YIPF1: variants seen among roughly 807,000 people sequenced by gnomAD.
YIPF1 encodes the protein Yip1 domain family member 1.
In YIPF1, 22 loss-of-function variants were observed where a neutral mutation model predicts 37.0. That is an observed-to-expected ratio of 0.59 (90% confidence interval 0.42 to 0.85). YIPF1 has a LOEUF of 0.85. YIPF1 is among the 40% of genes least tolerant of loss of function. YIPF1 has a pLI of 0.00. For missense variants in YIPF1, 355 were observed against 373.1 expected (o/e 0.95, Z 0.40); for synonymous variants, 128 against 131.9 (o/e 0.97, Z 0.21).
intron 10 of YIPF1, among the ~76,000 whole-genome samples, chr1:53,857,116 T>A (rs971741055): frequency 6.6e-6 from 1 of 152,194 alleles, no homozygotes; most frequent in African/African-American, 2.4e-5. Flanking sequence ...AGGCCCTCAT[T>A]CTACGAAGCC....
intron 7 of YIPF1, 146 bp downstream of exon 7, chr1:53,871,226 T>C: frequency 1.6e-6 from 1 of 622,312 alleles, no homozygotes. Context: ...GGTAAACTCA[T>C]CTACACATTT....
At chr1:53,877,521 TG>T (rs1424337370) in intron 6 of YIPF1, among the ~76,000 whole-genome samples, 1 of 152,182 alleles carries the variant, frequency 6.6e-6, no homozygotes, top group African/African-American at 2.4e-5. Context: ...CACAGGCCAC[TG>T]TTGGGGCCTT....
chr1:53,869,197 T>C (rs1371166252), intron 7 of YIPF1, among the ~76,000 whole-genome samples: 3 of 148,840 alleles, frequency 2.0e-5, no homozygotes, highest in African/African-American at 7.6e-5. Flanking sequence ...CACAGGCAAA[T>C]ACATATCTTT....
chr1:53,880,542 C>T (rs1318162267), intron 4 of YIPF1, among the ~76,000 whole-genome samples: 2 of 152,054 alleles, frequency 1.3e-5, no homozygotes, highest in South Asian at 2.1e-4. Context: ...ACATTCTTCA[C>T]GGAATTAGAA....
At position 53,860,113 on chromosome 1, in the gene YIPF1, G is replaced by T. The variant is rs200904837; in HGVS notation, c.872C>A (p.Thr291Lys). The T allele has an allele frequency of 6.2e-7, 1 of 1,614,144 alleles. No homozygotes were observed. Among genetic ancestry groups the T allele is most frequent in the Non-Finnish European group, 8.5e-7 (1 of 1,179,998 alleles). Residue 291 changes from threonine (T) to lysine (K), a missense_variant, in exon 10 of 11, where the codon ACA (threonine) becomes AAA (lysine). By Grantham distance (78) the Thr-to-Lys change is moderately conservative. Coordinates refer to ENST00000072644, the MANE Select transcript of YIPF1 (RefSeq NM_018982.5). ...FDAPEMDHLP[T>K]TTATPNQTVA... ...TGTTTGGTTTGGAGTAGCTGTAGTT[G>T]TTGGGAGATGGTCCATCTCTGGTGC...
In YIPF1 at chr1:53,884,619, A is replaced by C. The variant is rs7515771; in HGVS notation, c.32-1343T>G. 2.0e-5 allele frequency among the ~76,000 whole-genome samples: 3 copies of C among 152,018 alleles called. No homozygotes were observed. The East Asian group carries it at 5.8e-4, about 29-fold the overall frequency. On this transcript the variant is annotated intron_variant, in intron 3 of 10. Coordinates refer to ENST00000072644, the MANE Select transcript of YIPF1 (RefSeq NM_018982.5). ...AAAAGCTTTTTGGGGGGCAGCCTTA[A>C]GATGAACACCTATCAGTGTGATCAC...
At chr1:53,873,592 C>T (rs1650250243) in intron 6 of YIPF1, among the ~76,000 whole-genome samples, 1 of 151,756 alleles carries the variant, frequency 6.6e-6, no homozygotes. Flanking sequence ...GTGAGAGGGT[C>T]ACTTGAGGCT....
Position 53,870,160 on chromosome 1 carries a change from C to CT in YIPF1, c.481+1211dup, listed in dbSNP as rs753978320. Among the ~76,000 whole-genome samples, 458 of 91,138 alleles carry CT rather than the reference C, an allele frequency of 5.0e-3. 26 individuals carry two copies. The highest frequency in any genetic ancestry group is 8.8e-3 in the African/African-American group (199 of 22,596). 59.8% of individuals were successfully genotyped at this position (91,138 alleles called of 152,430 possible). A position where few individuals can be genotyped will look rare whatever the true frequency, so the allele number is the denominator to read the frequency against. On this transcript the variant is annotated intron_variant, in intron 7 of 10. Coordinates refer to ENST00000072644, the MANE Select transcript of YIPF1 (RefSeq NM_018982.5). Reference sequence around the variant, plus strand: ...AGGCTTGAGCCACCGCACCGGGTCTCTTTTTTTTTTTTTTTTTTTTTTTTT... The same window carrying CT: ...AGGCTTGAGCCACCGCACCGGGTCTCTTTTTTTTTTTTTTTTTTTTTTTTTT...
chr1:53,875,947 T>G (rs1039416265), intron 6 of YIPF1, among the ~76,000 whole-genome samples: 4 of 152,254 alleles, frequency 2.6e-5, no homozygotes, highest in African/African-American at 9.6e-5. Context: ...TACTTTTCTT[T>G]GCTTATTGTT....
At chr1:53,865,405 A>AC (rs1649992159) in intron 9 of YIPF1, among the ~76,000 whole-genome samples, 1 of 152,208 alleles carries the variant, frequency 6.6e-6, no homozygotes, top group African/African-American at 2.4e-5. Flanking sequence ...CCAATATGAC[A>AC]ATAAAAATAA....
At chr1:53,861,687 AG>A (rs1199273085) in intron 9 of YIPF1, among the ~76,000 whole-genome samples, 18 of 105,302 alleles carry the variant, frequency 1.7e-4, no homozygotes, top group African/African-American at 6.0e-4. Context: ...GAAGGGAGAG[AG>A]AGAGGGAGGG....
chr1:53,854,385 T>A (rs938868717), intron 10 of YIPF1, among the ~76,000 whole-genome samples: 2 of 152,228 alleles, frequency 1.3e-5, no homozygotes, highest in Non-Finnish European at 2.9e-5. Context: ...TGTGCCAAAG[T>A]TGGTCCCTAA....
At position 53,883,388 on chromosome 1, in the gene YIPF1, T is replaced by A. The variant is rs373852155; in HGVS notation, c.32-112A>T. The A allele has an allele frequency of 7.2e-5, 86 of 1,201,370 alleles. 1 individual carries two copies. In the African/African-American group the frequency reaches 1.2e-3, roughly 17 times the overall value. The allele number at this position is 1,201,370 out of a possible 1,614,324, so 74.4% of individuals were successfully genotyped here. On this transcript the variant is annotated intron_variant, in intron 3 of 10. Coordinates refer to ENST00000072644, the MANE Select transcript of YIPF1 (RefSeq NM_018982.5). ...CCTCAGCTTTGCTATAGACCCTACC[T>A]GATACAAAGGGCAAAAGCTTTGAAA... is the stretch of plus-strand genomic sequence containing the variant.
At chr1:53,876,324 T>C (rs1383701660) in intron 6 of YIPF1, among the ~76,000 whole-genome samples, 1 of 152,218 alleles carries the variant, frequency 6.6e-6, no homozygotes, top group African/African-American at 2.4e-5. Context: ...ACTTTACTTA[T>C]GGTTTATTTT....
intron 6 of YIPF1, among the ~76,000 whole-genome samples, chr1:53,878,047 G>T (rs1265797950): frequency 2.0e-5 from 3 of 152,194 alleles, no homozygotes; most frequent in African/African-American, 7.2e-5. Flanking sequence ...CTTCCAAAGT[G>T]CTGGGATTAT....
intron 6 of YIPF1, among the ~76,000 whole-genome samples, chr1:53,872,044 CTTTT>C (rs888884325): frequency 2.2e-5 from 3 of 138,108 alleles, no homozygotes; most frequent in Non-Finnish European, 4.7e-5. Context: ...AAGGCTTTTT[CTTTT>C]TTTTTTTAAT....
chr1:53,856,012 G>T (rs1158184249), intron 10 of YIPF1, among the ~76,000 whole-genome samples: 2 of 152,198 alleles, frequency 1.3e-5, no homozygotes, highest in African/African-American at 4.8e-5. Flanking sequence ...ATTTTTCAGT[G>T]AAAGCTGGGA....
chr1:53,854,613 A>C (rs1205586416), intron 10 of YIPF1, among the ~76,000 whole-genome samples: 5 of 152,154 alleles, frequency 3.3e-5, no homozygotes, highest in Non-Finnish European at 5.9e-5. Context: ...TCCCATAATC[A>C]TGTTTCTCTC....
chr1:53,875,706 A>T (rs1354651094), intron 6 of YIPF1, among the ~76,000 whole-genome samples: 1 of 152,084 alleles, frequency 6.6e-6, no homozygotes, highest in Non-Finnish European at 1.5e-5. Context: ...AGGTTCTTTG[A>T]ATGTACTAGG....
Sources: allele counts gnomAD v4.1 joint callset (sites outside exome capture counted in the v4.1 genomes callset), GRCh38; gene constraint gnomAD v4.1.1; transcripts MANE v1.5; gene names NCBI Gene and HGNC (gene_info 2026-07-23, HGNC 2026-07-21).